Variants in SMAD1 observed in about 807,000 individuals in gnomAD.
SMAD1 encodes SMAD family member 1, also known as MAD, mothers against decapentaplegic homolog 1.
In SMAD1, 6 loss-of-function variants were observed where a neutral mutation model predicts 41.6. The ratio of observed to expected loss-of-function variants is 0.14; its 90% CI spans 0.08 to 0.28. SMAD1 has a LOEUF of 0.28. Ranked by LOEUF, SMAD1 falls within the 10% of genes least tolerant of loss-of-function variation. The pLI is 1.00. For synonymous variants in SMAD1, 206 were observed against 203.2 expected (o/e 1.01, Z -0.12); for missense variants, 379 against 582.6 (o/e 0.65, Z 3.60).
At chr4:145,523,153 T>C (rs1390901811) in intron 2 of SMAD1, among the ~76,000 whole-genome samples, 3 of 152,232 alleles carry the variant, frequency 2.0e-5, no homozygotes, top group African/African-American at 7.2e-5. Flanking sequence ...TTCAGACATT[T>C]AAAGCACATG....
At chr4:145,520,805 A>G (rs1328366388) in intron 2 of SMAD1, among the ~76,000 whole-genome samples, 1 of 152,218 alleles carries the variant, frequency 6.6e-6, no homozygotes, top group Non-Finnish European at 1.5e-5. Context: ...GGACGGGAAT[A>G]ATTGTTGCTT....
chr4:145,536,573 A>G (rs982130456), intron 2 of SMAD1, among the ~76,000 whole-genome samples: 2 of 152,222 alleles, frequency 1.3e-5, no homozygotes, highest in Non-Finnish European at 2.9e-5. Context: ...ACTGTTATAT[A>G]TAGGCATATA....
At chr4:145,551,159 T>G (rs1416539652) in intron 5 of SMAD1, among the ~76,000 whole-genome samples, 1 of 152,156 alleles carries the variant, frequency 6.6e-6, no homozygotes, top group East Asian at 1.9e-4. Flanking sequence ...AGTAAACCAG[T>G]GTGTAGACAA....
rs763918733 is a variant in SMAD1 at position 145,514,844 on chromosome 4, C to T, written c.231C>T (p.Val77=). 2 of 1,614,134 alleles carry T rather than the reference C, an allele frequency of 1.2e-6. No homozygotes were observed. The stretch of plus-strand genomic sequence containing the variant: ...GCTCTCTGGATGGCAGGCTGCAAGT[C>T]TCCCACCGGAAGGGACTGCCTCATG... The part of the protein sequence containing the change: ...IPRSLDGRLQ[V]SHRKGLPHVI... Residue 77 remains valine, a synonymous_variant, in exon 2 of 7, where the codon GTC becomes GTT. Transcript: ENST00000302085. This position sits in a 1 kb window ranked among gnomAD's most constrained non-coding sequence, Gnocchi z 4.7.
At chr4:145,536,117 G>T (rs752253550) in intron 2 of SMAD1, among the ~76,000 whole-genome samples, 1 of 152,100 alleles carries the variant, frequency 6.6e-6, no homozygotes, top group Non-Finnish European at 1.5e-5. Context: ...GGTAGCCAAG[G>T]TTCTCACTGT....
intron 1 of SMAD1, among the ~76,000 whole-genome samples, chr4:145,509,154 C>A (rs1285288450): frequency 1.3e-5 from 2 of 152,198 alleles, no homozygotes; most frequent in Non-Finnish European, 2.9e-5. Flanking sequence ...TTTCTTCTGA[C>A]TGAGTCCCTG....
At chr4:145,522,079 G>A (rs537328064) in intron 2 of SMAD1, among the ~76,000 whole-genome samples, 11 of 152,256 alleles carry the variant, frequency 7.2e-5, no homozygotes, top group East Asian at 3.9e-4. Flanking sequence ...AGGCCAAGGC[G>A]GGCGGATCAC....
chr4:145,483,074 C>T (rs1728282807), intron 1 of SMAD1: 1 of 152,134 alleles, frequency 6.6e-6, no homozygotes, highest in Non-Finnish European at 1.5e-5. Flanking sequence ...TTTTGAAGAG[C>T]ATGCAATTTT....
At chr4:145,485,728 T>C (rs1728449093) in intron 1 of SMAD1, among the ~76,000 whole-genome samples, 1 of 152,272 alleles carries the variant, frequency 6.6e-6, no homozygotes, top group East Asian at 1.9e-4. Context: ...ATCTTATTTA[T>C]TATTAGTGTC....
chr4:145,498,515 T>A (rs1741288107), intron 1 of SMAD1, among the ~76,000 whole-genome samples: 1 of 152,248 alleles, frequency 6.6e-6, no homozygotes, highest in Non-Finnish European at 1.5e-5. Context: ...TTTTTGTTAT[T>A]GTGGTTTTAA....
At chr4:145,521,326 AT>A (rs373355944) in intron 2 of SMAD1, among the ~76,000 whole-genome samples, 1,948 of 149,134 alleles carry the variant, frequency 0.013, 39 homozygotes, top group African/African-American at 0.037. Flanking sequence ...GCCATTGGCC[AT>A]TTTTTTTTTA....
intron 4 of SMAD1, 90 bp from the exon 5 acceptor site, chr4:145,546,613 C>T (rs1230365133): frequency 1.1e-6 from 1 of 902,014 alleles, no homozygotes; most frequent in Non-Finnish European, 1.9e-6. Context: ...GTCTTCATTC[C>T]ATGATCCTGA....
intron 2 of SMAD1, among the ~76,000 whole-genome samples, chr4:145,519,456 CT>C (rs1271617594): frequency 6.6e-6 from 1 of 151,516 alleles, no homozygotes; most frequent in African/African-American, 2.4e-5. Flanking sequence ...AAATCCACCC[CT>C]AGCCTAAGCA....
chr4:145,501,992 A>C (rs936503832), intron 1 of SMAD1, among the ~76,000 whole-genome samples: 2 of 152,204 alleles, frequency 1.3e-5, no homozygotes, highest in Non-Finnish European at 2.9e-5. Context: ...AATCATTCAT[A>C]ACTAGCCACT....
At chr4:145,486,753 A>G (rs562274993) in intron 1 of SMAD1, among the ~76,000 whole-genome samples, 90 of 152,318 alleles carry the variant, frequency 5.9e-4, no homozygotes, top group African/African-American at 1.9e-3. Flanking sequence ...AGATTTTCTA[A>G]TCTGGTTGGT....
At chr4:145,527,554 G>A (rs1235142387) in intron 2 of SMAD1, among the ~76,000 whole-genome samples, 4 of 152,118 alleles carry the variant, frequency 2.6e-5, no homozygotes, top group Non-Finnish European at 4.4e-5. Context: ...AACGACTGCC[G>A]GAAGATGGTA....
At chr4:145,532,260 A>G (rs1731357915) in intron 2 of SMAD1, among the ~76,000 whole-genome samples, 1 of 152,254 alleles carries the variant, frequency 6.6e-6, no homozygotes, top group African/African-American at 2.4e-5. Context: ...GCACAGTTTG[A>G]AAAGCAGAGT....
At position 145,546,732 on chromosome 4, in the gene SMAD1, A is replaced by G. The variant is rs772617220; in HGVS notation, c.805A>G (p.Lys269Glu). ...DVQAVAYEEP[K>E]HWCSIVYYEL... ...TCAGGCGGTTGCTTATGAGGAACCA[A>G]AACACTGGTGCTCTATTGTCTACTA... Residue 269 changes from lysine to glutamate, a missense_variant, in exon 5 of 7, where the codon AAA (lysine) becomes GAA (glutamate). Physicochemically the swap from Lys to Glu is moderately conservative, Grantham distance 56 (BLOSUM62 1). This residue lies in a region of SMAD1 where 208 missense variants were observed against 210.5 expected (regional missense o/e 0.99). Transcript: ENST00000302085. 5 of 1,613,730 alleles carry G rather than the reference A, an allele frequency of 3.1e-6. No individual in the cohort carries two copies. The highest frequency in any genetic ancestry group is 3.3e-5 in the Admixed American group (2 of 60,018).
intron 1 of SMAD1, among the ~76,000 whole-genome samples, chr4:145,486,970 G>A (rs746295083): frequency 7.9e-5 from 12 of 152,232 alleles, no homozygotes; most frequent in Non-Finnish European, 1.2e-4. Context: ...AGGGAAGGGA[G>A]GAAAGAATTT....
Sources: gnomAD v4.1 joint callset for allele counts (sites outside exome capture counted in the v4.1 genomes callset) on GRCh38, gnomAD v4.1.1 for gene constraint, gnomAD v4.1.1 regional missense constraint, Gnocchi (gnomAD v3.1) non-coding constraint, MANE v1.5 for transcripts, NCBI Gene and HGNC (gene_info 2026-07-23, HGNC 2026-07-21) for gene names.